The following KCNG3 variants were observed in gnomAD, a reference collection of about 807,000 sequenced individuals.
KCNG3 encodes the protein potassium voltage-gated channel modifier subfamily G member 3.
KCNG3 carries 15 observed loss-of-function variants against 29.0 expected under a neutral mutation model. The observed-to-expected ratio is 0.52, with a 90% CI of 0.35 to 0.80. The LOEUF is 0.80. Ranked by LOEUF, KCNG3 falls within the 30% of genes least tolerant of loss-of-function variation. The pLI, the probability that KCNG3 is intolerant of heterozygous loss-of-function variation, is 0.01. For synonymous variants in KCNG3, 322 were observed against 248.9 expected, an observed-to-expected ratio of 1.29 and a Z score of -2.76; for missense variants, 512 against 605.7, an observed-to-expected ratio of 0.85 and a Z score of 1.62.
intron 1 of KCNG3, among the ~76,000 whole-genome samples, chr2:42,472,183 C>T (rs1673307115): frequency 6.6e-6 from 1 of 152,130 alleles, no homozygotes; most frequent in African/African-American, 2.4e-5. Context: ...TTCATTGCAG[C>T]ACTACAGTAA....
At position 42,493,479 on chromosome 2, in the gene KCNG3, G is replaced by T; in HGVS notation, c.23C>A (p.Ala8Glu). 1 of 1,419,378 alleles carries T rather than the reference G, an allele frequency of 7.0e-7. No homozygotes were observed. Among genetic ancestry groups the T allele is most frequent in the African/African-American group, 1.5e-5 (1 of 66,974 alleles). The allele number at this position is 1,419,378 out of a possible 1,614,324, so 87.9% of individuals were successfully genotyped here. Residue 8 changes from alanine (A) to glutamate (E), a missense_variant, in exon 1 of 2, where the codon GCG (alanine) becomes GAG (glutamate). Ala to Glu is a moderately radical substitution (Grantham distance 107). Coordinates refer to ENST00000306078, the MANE Select transcript of KCNG3 (RefSeq NM_133329.6). MTFGRSG[A>E]ASVVLNVGGA... is the part of the protein sequence containing the mutation. ...GCCCACGTTCAGCACCACCGAGGCC[G>T]CCCCGCTGCGCCCGAAGGTCATGGC...
At chr2:42,434,209 T>C in the KCNG3 span, among the ~76,000 whole-genome samples, 1 of 152,036 alleles carries the variant, frequency 6.6e-6, no homozygotes, top group Admixed American at 6.6e-5. Context: ...CCCAATACTT[T>C]GGGATGCTAA....
the KCNG3 span, among the ~76,000 whole-genome samples, chr2:42,394,496 T>A: frequency 6.6e-6 from 1 of 152,290 alleles, no homozygotes; most frequent in African/African-American, 2.4e-5. Context: ...TCTCACATCT[T>A]CCTCTTTTTT....
intron 1 of KCNG3, among the ~76,000 whole-genome samples, chr2:42,472,908 T>A (rs1037092213): frequency 0.016 from 2,284 of 145,916 alleles, 47 homozygotes; most frequent in African/African-American, 0.051. Context: ...TATATATTTT[T>A]TTTTTTTTTT....
At chr2:42,415,760 A>AAAAG in the KCNG3 span, among the ~76,000 whole-genome samples, 1 of 151,750 alleles carries the variant, frequency 6.6e-6, no homozygotes, top group African/African-American at 2.4e-5. Context: ...AAAACAAAAA[A>AAAAG]CCCTACTTGG....
At chr2:42,393,197 A>G in the KCNG3 span, among the ~76,000 whole-genome samples, 1 of 152,046 alleles carries the variant, frequency 6.6e-6, no homozygotes, top group African/African-American at 2.4e-5. Flanking sequence ...TTGACATGCA[A>G]TAAGTGATTA....
At chr2:42,406,589 G>A in the KCNG3 span, among the ~76,000 whole-genome samples, 3 of 151,146 alleles carry the variant, frequency 2.0e-5, no homozygotes, top group Non-Finnish European at 4.4e-5. Flanking sequence ...CACTTTGGGA[G>A]GCTGAGGTGG....
chr2:42,388,936 G>A, the KCNG3 span, among the ~76,000 whole-genome samples: 3 of 151,846 alleles, frequency 2.0e-5, no homozygotes, highest in Admixed American at 2.0e-4. Flanking sequence ...TATTTTATTT[G>A]AGAGGGAGTC....
chr2:42,401,717 C>T, the KCNG3 span, among the ~76,000 whole-genome samples: 7 of 151,998 alleles, frequency 4.6e-5, no homozygotes, highest in South Asian at 1.0e-3. Context: ...GGATTACGGA[C>T]GTGAGCCACT....
intron 1 of KCNG3, among the ~76,000 whole-genome samples, chr2:42,473,620 G>A (rs1309534273): frequency 2.6e-5 from 4 of 152,044 alleles, no homozygotes; most frequent in African/African-American, 7.2e-5. Flanking sequence ...AAAGTGCTGG[G>A]ATTACAGGAG....
At chr2:42,427,437 T>TCTA in the KCNG3 span, among the ~76,000 whole-genome samples, 43,079 of 151,532 alleles carry the variant, frequency 0.28, 6,544 homozygotes, top group East Asian at 0.57. Context: ...AAACCCCATC[T>TCTA]CTATTAAAAA....
chr2:42,490,546 G>A (rs935601763), intron 1 of KCNG3, among the ~76,000 whole-genome samples: 3 of 152,160 alleles, frequency 2.0e-5, no homozygotes, highest in Non-Finnish European at 4.4e-5. Flanking sequence ...TCTGAACAAC[G>A]GAACTCTCAG....
the KCNG3 span, among the ~76,000 whole-genome samples, chr2:42,423,885 T>G: frequency 6.6e-6 from 1 of 152,172 alleles, no homozygotes; most frequent in East Asian, 1.9e-4. Flanking sequence ...CTCCCCATTT[T>G]CCACATTGTC....
At chr2:42,483,875 T>C (rs543292800) in intron 1 of KCNG3, among the ~76,000 whole-genome samples, 104 of 152,300 alleles carry the variant, frequency 6.8e-4, no homozygotes, top group African/African-American at 2.4e-3. Context: ...CATTGCAGCC[T>C]CTAACTTCTA....
chr2:42,429,473 T>C, the KCNG3 span, among the ~76,000 whole-genome samples: 1 of 152,242 alleles, frequency 6.6e-6, no homozygotes, highest in Non-Finnish European at 1.5e-5. Flanking sequence ...TAAAATTCAT[T>C]TTCTACTCTT....
the KCNG3 span, among the ~76,000 whole-genome samples, chr2:42,431,279 A>C: frequency 6.6e-6 from 1 of 151,984 alleles, no homozygotes; most frequent in Non-Finnish European, 1.5e-5. Flanking sequence ...TTTATTTTAC[A>C]GTTATGGCAA....
intron 1 of KCNG3, among the ~76,000 whole-genome samples, chr2:42,471,869 G>C (rs1239050459): frequency 7.4e-6 from 1 of 134,848 alleles, no homozygotes; most frequent in African/African-American, 2.9e-5. Context: ...AAGTGACACA[G>C]CGAGACCCTG....
At chr2:42,483,116 G>A (rs1673633217) in intron 1 of KCNG3, among the ~76,000 whole-genome samples, 1 of 152,008 alleles carries the variant, frequency 6.6e-6, no homozygotes, top group Non-Finnish European at 1.5e-5. Context: ...TCAAGACCCT[G>A]TCTCAAAAAA....
the KCNG3 span, among the ~76,000 whole-genome samples, chr2:42,400,790 TTTTTCCCCTATG>T: frequency 6.6e-6 from 1 of 152,102 alleles, no homozygotes; most frequent in African/African-American, 2.4e-5. Flanking sequence ...ATGGGTTTTT[TTTTTCCCCTATG>T]GTATTTTTGT....
Sources: gnomAD v4.1 joint callset for allele counts (sites outside exome capture counted in the v4.1 genomes callset) on GRCh38, gnomAD v4.1.1 for gene constraint, MANE v1.5 for transcripts, NCBI Gene and HGNC (gene_info 2026-07-23, HGNC 2026-07-21) for gene names.